ALPK2: variants seen among roughly 807,000 people sequenced by gnomAD.
ALPK2 encodes alpha-protein kinase 2.
A neutral mutation model predicts 163.1 loss-of-function variants in ALPK2; 127 were observed. The ratio of observed to expected loss-of-function variants is 0.78; its 90% CI spans 0.67 to 0.90. The LOEUF (loss-of-function observed/expected upper bound fraction) is 0.90. Among genes scored for constraint, ALPK2 ranks in the 40% least tolerant of loss-of-function variants. ALPK2 has a pLI of 0.00. For missense variants in ALPK2, 2,360 were observed against 2,589.6 expected (o/e 0.91, Z 1.92); for synonymous variants, 953 against 959.1 (o/e 0.99, Z 0.12).
chr18:58,550,761 T>C (rs1425427052), intron 4 of ALPK2, among the ~76,000 whole-genome samples: 18 of 85,128 alleles, frequency 2.1e-4, no homozygotes, highest in East Asian at 8.3e-4. Context: ...ACCCCATCCC[T>C]ATCTCTATCA....
chr18:58,588,900 G>A (rs566145765), intron 3 of ALPK2, among the ~76,000 whole-genome samples: 20 of 152,294 alleles, frequency 1.3e-4, no homozygotes, highest in Admixed American at 3.3e-4. Context: ...GAACATATGC[G>A]TGCATATATC....
intron 12 of ALPK2, among the ~76,000 whole-genome samples, chr18:58,494,201 C>T (rs1411243945): frequency 6.6e-6 from 1 of 152,140 alleles, no homozygotes; most frequent in Non-Finnish European, 1.5e-5. Context: ...TTGGGTCTAT[C>T]TAGAAAATGG....
At chr18:58,509,216 T>A (rs1474787589) in intron 10 of ALPK2, among the ~76,000 whole-genome samples, 1 of 152,068 alleles carries the variant, frequency 6.6e-6, no homozygotes, top group African/African-American at 2.4e-5. Flanking sequence ...CATGAACTCA[T>A]CATTTTTTAT....
At chr18:58,486,649 C>T (rs1448069750) in intron 12 of ALPK2, among the ~76,000 whole-genome samples, 1 of 152,192 alleles carries the variant, frequency 6.6e-6, no homozygotes, top group African/African-American at 2.4e-5. Context: ...TTGAACTTCC[C>T]TTTCCCTGTC....
intron 10 of ALPK2, among the ~76,000 whole-genome samples, chr18:58,510,113 T>G (rs185949790): frequency 0.013 from 2,015 of 152,324 alleles, 42 homozygotes; most frequent in African/African-American, 0.045. Context: ...GGCTAGCCAG[T>G]TTTCCCAGCA....
At chr18:58,495,232 A>G (rs1360671751) in intron 12 of ALPK2, among the ~76,000 whole-genome samples, 1 of 151,236 alleles carries the variant, frequency 6.6e-6, no homozygotes, top group African/African-American at 2.4e-5. Context: ...TTCTTTTGGG[A>G]AAAAGACTGT....
chr18:58,517,562 C>T (rs1024639842), intron 8 of ALPK2, among the ~76,000 whole-genome samples: 4 of 152,120 alleles, frequency 2.6e-5, no homozygotes, highest in Non-Finnish European at 2.9e-5. Context: ...CTGATAATAT[C>T]GGACCAACCT....
At chr18:58,559,271 C>T (rs1038678002) in intron 4 of ALPK2, among the ~76,000 whole-genome samples, 17 of 152,104 alleles carry the variant, frequency 1.1e-4, no homozygotes, top group African/African-American at 4.1e-4. Flanking sequence ...CGCTACTGGC[C>T]GGGGATGCTG....
chr18:58,489,022 C>T (rs1328658021), intron 12 of ALPK2, among the ~76,000 whole-genome samples: 1 of 152,188 alleles, frequency 6.6e-6, no homozygotes, highest in Non-Finnish European at 1.5e-5. Flanking sequence ...ATAAGCGGAG[C>T]GGCACTTTCC....
In ALPK2 at chr18:58,535,705, G is replaced by A; in HGVS notation, c.4482C>T (p.Val1494=). 6.2e-7 allele frequency: 1 copy of A among 1,614,238 alleles called. No homozygotes were observed. The highest frequency in any genetic ancestry group is 8.5e-7 in the Non-Finnish European group (1 of 1,180,036). ...PEEAKTAIWQ[V]LQPSEGGERI... ...TTTCACCGCCTTCGCTGGGTTGCAGGACTTGCCAAATGGCAGTTTTTGCCT... is the reference window on the plus strand; with the variant it reads ...TTTCACCGCCTTCGCTGGGTTGCAGAACTTGCCAAATGGCAGTTTTTGCCT... The change falls in exon 5 of 13, where the codon GTC becomes GTT. Residue 1494 remains valine, a synonymous_variant. Transcript: ENST00000361673.
chr18:58,578,897 T>C lies in ALPK2; in HGVS notation c.1879A>G (p.Asn627Asp). The C allele has an allele frequency of 1.2e-6, 2 of 1,614,252 alleles. No homozygotes were observed. Among genetic ancestry groups the C allele is most frequent in the African/African-American group, 1.3e-5 (1 of 75,068 alleles). The change falls in exon 4 of 13, where the codon AAC becomes GAC. Residue 627 changes from asparagine (N) to aspartate (D), a missense_variant. Transcript: ENST00000361673. ...ATGCCTTCTCCCTTGCAATTTGTGT[T>C]GCCTTCTTTGGAGACTGAGTCTGTT... is the stretch of plus-strand genomic sequence containing the variant. ...TSTDSVSKEGNTNCKGEGMQV... is the reference protein window; with the variant it reads ...TSTDSVSKEGDTNCKGEGMQV...
intron 3 of ALPK2, among the ~76,000 whole-genome samples, chr18:58,592,745 T>C (rs1394096132): frequency 6.6e-6 from 1 of 152,234 alleles, no homozygotes; most frequent in Non-Finnish European, 1.5e-5. Context: ...GCAAAGTCAG[T>C]ACTGCATAGT....
intron 8 of ALPK2, among the ~76,000 whole-genome samples, chr18:58,520,239 C>T (rs2051542644): frequency 1.3e-5 from 2 of 151,696 alleles, no homozygotes; most frequent in Non-Finnish European, 2.9e-5. Context: ...ACCAGCCTGG[C>T]CAACATGATG....
In ALPK2 at chr18:58,573,613, CTTTTTTTT is replaced by C. The variant is rs778622176; in HGVS notation, c.1962+5193_1962+5200del. Among the ~76,000 whole-genome samples, 26 of 51,732 alleles carry C rather than the reference CTTTTTTTT, an allele frequency of 5.0e-4. 1 individual carries two copies. The highest frequency in any genetic ancestry group is 9.7e-5 in the Non-Finnish European group (3 of 30,996). The allele number at this position is 51,732 out of a possible 152,430, so 33.9% of individuals were successfully genotyped here. A position where few individuals can be genotyped will look rare whatever the true frequency, so the allele number is the denominator to read the frequency against. On this transcript the variant is annotated intron_variant, in intron 4 of 12. Coordinates refer to ENST00000361673, the MANE Select transcript of ALPK2 (RefSeq NM_052947.4). ...AGAGGCATGTTGCCATTTTTGTCTT[CTTTTTTTT>C]TTTTTTTTTTTTTTTTAGTATTTAT...
At chr18:58,573,118 ACT>A (rs2051894373) in intron 4 of ALPK2, among the ~76,000 whole-genome samples, 1 of 151,728 alleles carries the variant, frequency 6.6e-6, no homozygotes, top group African/African-American at 2.4e-5. Context: ...AAAACATTAT[ACT>A]TAGTGTATTC....
At chr18:58,494,520 C>CT (rs1218474895) in intron 12 of ALPK2, among the ~76,000 whole-genome samples, 1 of 152,118 alleles carries the variant, frequency 6.6e-6, no homozygotes, top group Non-Finnish European at 1.5e-5. Flanking sequence ...GGTTGCATGA[C>CT]TGGGGTGTCA....
At chr18:58,621,596 A>C (rs2052200710) in intron 1 of ALPK2, among the ~76,000 whole-genome samples, 1 of 113,180 alleles carries the variant, frequency 8.8e-6, no homozygotes, top group South Asian at 2.8e-4. Flanking sequence ...ATGGGCAAAG[A>C]AGAAGGAGGA....
In ALPK2 at chr18:58,491,734, C is replaced by A. The variant is rs546519933; in HGVS notation, c.6296+6315G>T. Among the ~76,000 whole-genome samples the A allele has an allele frequency of 1.6e-4, 24 of 152,348 alleles. No homozygotes were observed. In the South Asian group the frequency reaches 4.8e-3, roughly 30 times the overall value. ...CAGCTGGCCCTATGTGAATTAAACT[C>A]TTTCTCTGTTGCAGTTCCCATCTTG... On this transcript the variant is annotated intron_variant, in intron 12 of 12. Transcript: ENST00000361673.
intron 2 of ALPK2, among the ~76,000 whole-genome samples, chr18:58,608,976 GA>G (rs1449339545): frequency 6.7e-6 from 1 of 149,354 alleles, no homozygotes; most frequent in East Asian, 2.0e-4. Context: ...AAAAAGAAAA[GA>G]AAAGAAAAGA....
Sources: allele counts gnomAD v4.1 joint callset (sites outside exome capture counted in the v4.1 genomes callset), GRCh38; gene constraint gnomAD v4.1.1; transcripts MANE v1.5; gene names NCBI Gene and HGNC (gene_info 2026-07-23, HGNC 2026-07-21).